Variants in KCNU1 observed in about 807,000 individuals in gnomAD.
The protein encoded by KCNU1 is potassium channel subfamily U member 1.
In KCNU1, 93 loss-of-function variants were observed where a neutral mutation model predicts 126.8. The observed-to-expected ratio is 0.73, with a 90% CI of 0.62 to 0.87. KCNU1 has a LOEUF of 0.87. Ranked by LOEUF, KCNU1 falls within the 40% of genes least tolerant of loss-of-function variation. The pLI is 0.00. For synonymous variants in KCNU1, 523 were observed against 494.2 expected, an observed-to-expected ratio of 1.06 and a Z score of -0.77; for missense variants, 1,330 against 1,367.1, an observed-to-expected ratio of 0.97 and a Z score of 0.43.
At chr8:36,866,661 C>G (rs748037045) in intron 19 of KCNU1, among the ~76,000 whole-genome samples, 3 of 152,070 alleles carry the variant, frequency 2.0e-5, no homozygotes, top group Non-Finnish European at 4.4e-5. Context: ...GTAGCCTGTA[C>G]GTGCTAAGTA....
intron 19 of KCNU1, among the ~76,000 whole-genome samples, chr8:36,867,479 C>A (rs1472528004): frequency 6.6e-6 from 1 of 152,154 alleles, no homozygotes; most frequent in East Asian, 1.9e-4. Flanking sequence ...TGTGTGTACA[C>A]TATGTTTATG....
chr8:36,856,898 T>G (rs1215810371), intron 18 of KCNU1, among the ~76,000 whole-genome samples: 1 of 152,198 alleles, frequency 6.6e-6, no homozygotes, highest in Non-Finnish European at 1.5e-5. Flanking sequence ...AGCCTCTAAT[T>G]AATTGTTTAC....
intron 6 of KCNU1, 64 bp downstream of exon 6, chr8:36,807,514 C>T: frequency 2.6e-6 from 3 of 1,169,146 alleles, no homozygotes; most frequent in South Asian, 2.4e-5. Context: ...AATGTATTAA[C>T]TGGACCCTAA....
In KCNU1 at chr8:36,808,812, TC is replaced by T; in HGVS notation, c.732+22del. 6.4e-7 allele frequency: 1 copy of T among 1,563,096 alleles called. No homozygotes were observed. The highest frequency in any genetic ancestry group is 8.8e-7 in the Non-Finnish European group (1 of 1,136,926). On this transcript the variant is annotated intron_variant, in intron 7 of 26. Coordinates refer to ENST00000399881, the MANE Select transcript of KCNU1 (RefSeq NM_001031836.3). ...TCACCTGGTAAGCATCTCATCACAA[TC>T]CCTAGTGGTGTCTGTTGTTACCAGC... is the stretch of plus-strand genomic sequence containing the variant.
chr8:36,840,981 T>A lies in KCNU1; in HGVS notation c.1681T>A (p.Ser561Thr), dbSNP rs1362938903. 2 of 1,609,606 alleles carry A rather than the reference T, an allele frequency of 1.2e-6. No individual in the cohort carries two copies. Among genetic ancestry groups the A allele is most frequent in the Non-Finnish European group, 1.7e-6 (2 of 1,176,826 alleles). The change falls in exon 16 of 27, where the codon TCC (serine) becomes ACC (threonine). Residue 561 changes from serine (S) to threonine (T), a missense_variant. Physicochemically the swap from Ser to Thr is moderately conservative, Grantham distance 58 (BLOSUM62 1). This residue lies in a region of KCNU1 where 1,054 missense variants were observed against 1,053.9 expected (regional missense o/e 1.00). Coordinates refer to ENST00000399881, the MANE Select transcript of KCNU1 (RefSeq NM_001031836.3). ...CCTGTTGATAGCCATCGAATACAAG[T>A]CCCTCTTTACGGATGGTTTCTGGTA... is the stretch of plus-strand genomic sequence containing the variant. ...HLLLIAIEYK[S>T]LFTDGFCGLI...
At chr8:36,816,376 A>G (rs902632381) in intron 9 of KCNU1, among the ~76,000 whole-genome samples, 1 of 152,158 alleles carries the variant, frequency 6.6e-6, no homozygotes, top group Non-Finnish European at 1.5e-5. Flanking sequence ...ATCTTAAATT[A>G]GATGTGATCC....
At chr8:36,886,319 T>C (rs565461795) in intron 19 of KCNU1, among the ~76,000 whole-genome samples, 32 of 152,336 alleles carry the variant, frequency 2.1e-4, no homozygotes, top group African/African-American at 7.7e-4. Context: ...TAACATATCC[T>C]ATTGTAAAAC....
At chr8:36,901,558 CA>C (rs1375423230) in intron 19 of KCNU1, among the ~76,000 whole-genome samples, 3 of 151,954 alleles carry the variant, frequency 2.0e-5, no homozygotes, top group African/African-American at 7.3e-5. Context: ...AAGCAGTCAT[CA>C]GAAAGGAATG....
chr8:36,882,614 G>A (rs1360485562), intron 19 of KCNU1, among the ~76,000 whole-genome samples: 1 of 151,448 alleles, frequency 6.6e-6, no homozygotes, highest in Non-Finnish European at 1.5e-5. Context: ...GTGGAGTTTT[G>A]CTCTTGTTGC....
At chr8:36,807,254 A>G (rs565788389) in intron 5 of KCNU1, 121 bp from the exon 6 acceptor site, 3 of 735,780 alleles carry the variant, frequency 4.1e-6, no homozygotes, top group East Asian at 5.0e-5. Context: ...TAACATGAGA[A>G]TAGATTTGGA....
intron 2 of KCNU1, among the ~76,000 whole-genome samples, chr8:36,789,669 G>A (rs2130331227): frequency 6.6e-6 from 1 of 152,290 alleles, no homozygotes; most frequent in Non-Finnish European, 1.5e-5. Context: ...AATGCCATGA[G>A]GGAAATATGA....
intron 24 of KCNU1, among the ~76,000 whole-genome samples, chr8:36,929,888 G>A (rs1808648025): frequency 6.6e-6 from 1 of 152,106 alleles, no homozygotes; most frequent in Admixed American, 6.6e-5. Context: ...TGGAAGCATT[G>A]TAAACAATGG....
intron 19 of KCNU1, among the ~76,000 whole-genome samples, chr8:36,889,897 A>G (rs893221812): frequency 2.0e-5 from 3 of 152,164 alleles, no homozygotes; most frequent in Non-Finnish European, 4.4e-5. Context: ...GCCCATGGAG[A>G]AACACGGAAA....
rs543103287 is a variant in KCNU1, at chr8:36,915,919, T to C, written c.2522-2904T>C. Reference sequence around the variant, plus strand: ...ATCATGGAGTAGATATTTTAAAATATTTAAAAAGGAAGAAAGGGAGGGAGG... The same window carrying C: ...ATCATGGAGTAGATATTTTAAAATACTTAAAAAGGAAGAAAGGGAGGGAGG... On this transcript the variant is annotated intron_variant, in intron 22 of 26. Coordinates refer to ENST00000399881, the MANE Select transcript of KCNU1 (RefSeq NM_001031836.3). Among the ~76,000 whole-genome samples, 20 of 147,070 alleles carry C rather than the reference T, an allele frequency of 1.4e-4. 1 individual carries two copies. The East Asian group carries it at 3.2e-3, about 23-fold the overall frequency.
At chr8:36,865,675 T>C (rs1313875760) in intron 19 of KCNU1, among the ~76,000 whole-genome samples, 2 of 146,730 alleles carry the variant, frequency 1.4e-5, no homozygotes, top group South Asian at 2.1e-4. Context: ...ACTTGGGCTA[T>C]TGAGATGAGA....
At chr8:36,928,747 T>TA (rs1808606662) in intron 24 of KCNU1, among the ~76,000 whole-genome samples, 1 of 152,118 alleles carries the variant, frequency 6.6e-6, no homozygotes, top group African/African-American at 2.4e-5. Flanking sequence ...AGTGCACCAC[T>TA]GAGGATATGA....
chr8:36,869,260 C>G (rs745761667), intron 19 of KCNU1, among the ~76,000 whole-genome samples: 1 of 152,090 alleles, frequency 6.6e-6, no homozygotes, highest in Non-Finnish European at 1.5e-5. Flanking sequence ...TATAACAGAC[C>G]TGGGCCAGGA....
intron 2 of KCNU1, among the ~76,000 whole-genome samples, chr8:36,789,797 G>C (rs1438367169): frequency 6.6e-6 from 1 of 152,304 alleles, no homozygotes; most frequent in Admixed American, 6.5e-5. Flanking sequence ...AGCAATTGAA[G>C]AATTAAGGAA....
intron 22 of KCNU1, among the ~76,000 whole-genome samples, chr8:36,912,650 A>G (rs1268430477): frequency 1.3e-5 from 2 of 152,040 alleles, no homozygotes; most frequent in Non-Finnish European, 2.9e-5. Context: ...AACTGTCCAT[A>G]ATTGGACAAA....
Sources: allele counts gnomAD v4.1 joint callset (sites outside exome capture counted in the v4.1 genomes callset), GRCh38; gene constraint gnomAD v4.1.1; regional missense constraint gnomAD v4.1.1; transcripts MANE v1.5; gene names NCBI Gene and HGNC (gene_info 2026-07-23, HGNC 2026-07-21).